Variants in UCKL1 observed in about 807,000 individuals in gnomAD.
UCKL1 encodes uridine-cytidine kinase 1 like 1.
A neutral mutation model predicts 59.2 loss-of-function variants in UCKL1; 65 were observed. That is an observed-to-expected ratio of 1.10 (90% confidence interval 0.90 to 1.35). The LOEUF (loss-of-function observed/expected upper bound fraction) is 1.35. UCKL1 is among the 40% of genes most tolerant of loss of function. The probability of loss-of-function intolerance (pLI) is 0.00; values close to 1 mark genes in which losing one functional copy is unlikely to be tolerated. For missense variants in UCKL1, 703 were observed against 784.3 expected (o/e 0.90, Z 1.24); for synonymous variants, 410 against 323.1 (o/e 1.27, Z -2.88).
At chr20:63,946,133 T>C in intron 3 of UCKL1, 28 bp downstream of exon 3, 1 of 1,609,860 alleles carries the variant, frequency 6.2e-7, no homozygotes, top group South Asian at 1.1e-5. Context: ...GACAAAGGGG[T>C]CCTCGGGGGA....
At chr20:63,942,579 G>A in intron 8 of UCKL1, 1 of 884,328 alleles carries the variant, frequency 1.1e-6, no homozygotes, top group Non-Finnish European at 1.6e-6. Context: ...AGAGAAGGCT[G>A]CTTAGTTGGG....
rs755278262 is a variant in UCKL1, at chr20:63,946,286, A to G, written c.305-19T>C. 5.1e-6 allele frequency: 8 copies of G among 1,569,700 alleles called. No homozygotes were observed. Among genetic ancestry groups the G allele is most frequent in the East Asian group, 2.4e-5 (1 of 41,946 alleles). ...CCCAAGCCTGCCGGCGGGAGTGGAG[A>G]CCCTCTGTGAGGAACAGGCAGGCTG... is the stretch of plus-strand genomic sequence containing the variant. On this transcript the variant is annotated intron_variant, in intron 2 of 14. Coordinates refer to ENST00000354216, the MANE Select transcript of UCKL1 (RefSeq NM_017859.4).
chr20:63,954,027 T>G (rs905358974), intron 1 of UCKL1: 1 of 152,968 alleles, frequency 6.5e-6, no homozygotes, highest in African/African-American at 2.4e-5. Context: ...AAAATGAGGC[T>G]GGGGGGAGGA....
At chr20:63,945,527 A>G in intron 5 of UCKL1, 124 bp downstream of exon 5, 1 of 954,026 alleles carries the variant, frequency 1.0e-6, no homozygotes, top group Non-Finnish European at 1.6e-6. Context: ...TGGGGTAGGG[A>G]GTGGCTGGCC....
chr20:63,944,618 GT>G lies in UCKL1; in HGVS notation c.770del (p.Asn257ThrfsTer35), dbSNP rs2055640440. On this transcript the variant is annotated frameshift_variant, in exon 6 of 15. Transcript: ENST00000354216. LOFTEE classifies it high-confidence loss of function. The part of the protein sequence containing the change: ...RDIEGVIKQY[N>X]KFVKPSFDQY... ...GGTCGAAGGAGGGCTTGACAAACTT[GT>G]TGTACTGCTTGATGACACCCTCGAT... 1 of 1,613,054 alleles carries G rather than the reference GT, an allele frequency of 6.2e-7. No homozygotes were observed. Among genetic ancestry groups the G allele is most frequent in the African/African-American group, 1.3e-5 (1 of 74,938 alleles).
rs529158176 is a variant in UCKL1, at chr20:63,951,801, A to T, written c.113+4459T>A. 3.3e-5 allele frequency among the ~76,000 whole-genome samples: 5 copies of T among 151,576 alleles called. No individual in the cohort carries two copies. The South Asian group carries it at 8.4e-4, about 25-fold the overall frequency. On this transcript the variant is annotated intron_variant, in intron 1 of 14. Coordinates refer to ENST00000354216, the MANE Select transcript of UCKL1 (RefSeq NM_017859.4). ...TCAGCAGGGCACAGGGGACACAGCC[A>T]CCTCCCCGCCCACAGAAACAGGGTT...
chr20:63,950,964 C>T lies in UCKL1; in HGVS notation c.114-4321G>A, dbSNP rs1050132881. The stretch of plus-strand genomic sequence containing the variant: ...GTCCCCTAGGGCAGCTCAGGAGCTC[C>T]GGCCACCTGAACTGGCCCTTCCATG... On this transcript the variant is annotated intron_variant, in intron 1 of 14. Transcript: ENST00000354216. 34 of 1,303,764 alleles carry T rather than the reference C, an allele frequency of 2.6e-5. No homozygotes were observed. The East Asian group carries it at 7.1e-4, about 27-fold the overall frequency. 80.8% of individuals were successfully genotyped at this position (1,303,764 alleles called of 1,614,324 possible).
chr20:63,946,718 C>T, intron 1 of UCKL1, 75 bp from the exon 2 acceptor site: 1 of 1,372,446 alleles, frequency 7.3e-7, no homozygotes, highest in Non-Finnish European at 9.5e-7. Flanking sequence ...GGCCGGCCCA[C>T]AGGGCACCCC....
At chr20:63,947,500 C>G (rs1236626812) in intron 1 of UCKL1, among the ~76,000 whole-genome samples, 1 of 152,210 alleles carries the variant, frequency 6.6e-6, no homozygotes, top group African/African-American at 2.4e-5. Flanking sequence ...CAGACAGGAC[C>G]AGGCTGAAGG....
chr20:63,948,641 TGTGTGA>T (rs2057007162), intron 1 of UCKL1, among the ~76,000 whole-genome samples: 3 of 16,088 alleles, frequency 1.9e-4, no homozygotes, highest in Admixed American at 1.0e-3. Context: ...GGAAGGGGCG[TGTGTGA>T]GAGGGAGGGG....
At chr20:63,944,981 G>C (rs2146499107) in intron 5 of UCKL1, among the ~76,000 whole-genome samples, 1 of 152,346 alleles carries the variant, frequency 6.6e-6, no homozygotes, top group Non-Finnish European at 1.5e-5. Flanking sequence ...GGGTGTCTGG[G>C]GATGCGGTGC....
rs373802630 is a variant in UCKL1 at position 63,946,179 on chromosome 20, G to A, written c.393C>T (p.Ser131=). The A allele has an allele frequency of 3.1e-6, 5 of 1,612,178 alleles. 1 individual carries two copies. Among genetic ancestry groups the A allele is most frequent in the Middle Eastern group, 1.7e-4 (1 of 6,060 alleles). The change falls in exon 3 of 15, where the codon TCC becomes TCT. Residue 131 remains serine (S), a synonymous_variant. Transcript: ENST00000354216. ...ALDVPWVVLL[S]MDSFYKVLTE... ...GGCCCACCTTGTAGAAGGAGTCCAT[G>A]GACAGCAAGACCACCCAGGGCACAT... is the stretch of plus-strand genomic sequence containing the variant.
intron 1 of UCKL1, among the ~76,000 whole-genome samples, chr20:63,949,847 TCCGAGGGTGAGCCCGCTAATG>T (rs1406760362): frequency 2.0e-5 from 3 of 152,224 alleles, no homozygotes; most frequent in Non-Finnish European, 4.4e-5. Context: ...CACCCTGGAT[TCCGAGGGTGAGCCCGCTAATG>T]CACAAAGCTG....
In UCKL1 at chr20:63,945,581, C is replaced by T. The variant is rs370919618; in HGVS notation, c.654+70G>A. The T allele has an allele frequency of 5.2e-4, 794 of 1,523,142 alleles. 1 individual carries two copies. Among genetic ancestry groups the T allele is most frequent in the Admixed American group, 1.8e-3 (105 of 58,566 alleles). 94.4% of individuals were successfully genotyped at this position (1,523,142 alleles called of 1,614,324 possible). A position where few individuals can be genotyped will look rare whatever the true frequency, so the allele number is the denominator to read the frequency against. ...AGGCCTTGGGGACAGGGCAGGAGGA[C>T]GCACACCTCATGGACAGGGCGGCCA... On this transcript the variant is annotated intron_variant, in intron 5 of 14. Coordinates refer to ENST00000354216, the MANE Select transcript of UCKL1 (RefSeq NM_017859.4).
chr20:63,942,467 C>T, intron 8 of UCKL1: 1 of 1,176,994 alleles, frequency 8.5e-7, no homozygotes, highest in Non-Finnish European at 1.1e-6. Context: ...GCACACTGCT[C>T]ACATATCCCA....
rs1569007235 is a variant in UCKL1, at chr20:63,940,074, G to A, written c.1568-19C>T. On this transcript the variant is annotated intron_variant, in intron 14 of 14. Coordinates refer to ENST00000354216, the MANE Select transcript of UCKL1 (RefSeq NM_017859.4). ...AAGTTCCCTGGAAAAAGGGGGGGGG[G>A]GGTCCAGTGTGGTGGGGCCTCCCAG... The A allele has an allele frequency of 1.3e-6, 2 of 1,581,832 alleles. No homozygotes were observed. The highest frequency in any genetic ancestry group is 2.2e-5 in the East Asian group (1 of 44,784).
chr20:63,943,729 C>T (rs2055335215), intron 7 of UCKL1, 60 bp from the exon 8 acceptor site: 26 of 1,609,848 alleles, frequency 1.6e-5, no homozygotes, highest in South Asian at 3.3e-5. Context: ...CCAGGGCAGG[C>T]GGCCAGGCCA....
Position 63,944,709 on chromosome 20 carries a change from T to TCCACAAA in UCKL1, c.673_679dup (p.Asp227ValfsTer20). 1 of 1,612,816 alleles carries TCCACAAA rather than the reference T, an allele frequency of 6.2e-7. No homozygotes were observed. Among genetic ancestry groups the TCCACAAA allele is most frequent in the Non-Finnish European group, 8.5e-7 (1 of 1,179,958 alleles). The stretch of plus-strand genomic sequence containing the variant: ...TACCAGGCGGATGTCGGAGTCTGTG[T>TCCACAAA]CCACAAAGATCTTCATGTCCAGGAG... On this transcript the variant is annotated frameshift_variant, in exon 6 of 15. Coordinates refer to ENST00000354216, the MANE Select transcript of UCKL1 (RefSeq NM_017859.4). LOFTEE classifies it high-confidence loss of function.
chr20:63,940,314 G>A lies in UCKL1; in HGVS notation c.1411-8C>T, dbSNP rs367937725. 6 of 1,612,512 alleles carry A rather than the reference G, an allele frequency of 3.7e-6. No homozygotes were observed. In the African/African-American group the frequency reaches 6.7e-5, roughly 18 times the overall value. ...CTCAGGCACGTCGTGGTCCTACCGAGTGTATTGGGCAGGTAAATCCCACCT... is the reference window on the plus strand; with the variant it reads ...CTCAGGCACGTCGTGGTCCTACCGAATGTATTGGGCAGGTAAATCCCACCT... On this transcript the variant is annotated splice_region_variant and splice_polypyrimidine_tract_variant and intron_variant, in intron 13 of 14. Transcript: ENST00000354216.
Sources: gnomAD v4.1 joint callset for allele counts (sites outside exome capture counted in the v4.1 genomes callset) on GRCh38, gnomAD v4.1.1 for gene constraint, MANE v1.5 for transcripts, NCBI Gene and HGNC (gene_info 2026-07-23, HGNC 2026-07-21) for gene names.